The following SPG11 variants were observed in gnomAD, a reference collection of about 807,000 sequenced individuals.
SPG11 encodes spatacsin.
In SPG11, 222 loss-of-function variants were observed where a neutral mutation model predicts 274.0. The observed-to-expected ratio is 0.81, with a 90% CI of 0.73 to 0.91. SPG11 has a LOEUF of 0.91. Ranked by LOEUF, SPG11 falls within the 40% of genes least tolerant of loss-of-function variation. SPG11 has a pLI of 0.00. For synonymous variants in SPG11, 1,144 were observed against 1,039.7 expected (o/e 1.10, Z -1.93); for missense variants, 3,114 against 2,872.7 (o/e 1.08, Z -1.92).
chr15:44,633,988 G>A (rs1009708056), intron 7 of SPG11, among the ~76,000 whole-genome samples: 1 of 151,920 alleles, frequency 6.6e-6, no homozygotes, highest in African/African-American at 2.4e-5. Context: ...ACAGGTGCCC[G>A]CCACCATGTC....
chr15:44,565,623 A>G (rs2082291467), intron 38 of SPG11, among the ~76,000 whole-genome samples: 2 of 152,322 alleles, frequency 1.3e-5, no homozygotes, highest in East Asian at 1.9e-4. Flanking sequence ...CTGGCCTAAC[A>G]GCACAGGAAA....
intron 16 of SPG11, among the ~76,000 whole-genome samples, chr15:44,614,611 A>G (rs887648733): frequency 6.6e-5 from 10 of 152,254 alleles, no homozygotes; most frequent in African/African-American, 2.4e-4. Context: ...AAAATTAAGT[A>G]GAATTAAATC....
chr15:44,648,818 A>C lies in SPG11; in HGVS notation c.1602+48T>G, dbSNP rs577765148. 1.1e-5 allele frequency: 18 copies of C among 1,588,270 alleles called. 1 individual carries two copies. The highest frequency in any genetic ancestry group is 1.0e-4 in the Admixed American group (6 of 59,954). On this transcript the variant is annotated intron_variant, in intron 7 of 39. Coordinates refer to ENST00000261866, the MANE Select transcript of SPG11 (RefSeq NM_025137.4). ...CAAATCCTAAATCGAATAAAAGTAT[A>C]TAACACAAAATAATTAAGTAATGTT...
chr15:44,642,471 A>T (rs986519904), intron 7 of SPG11, among the ~76,000 whole-genome samples: 4 of 151,532 alleles, frequency 2.6e-5, no homozygotes, highest in Non-Finnish European at 5.9e-5. Flanking sequence ...CAGTGGTTCC[A>T]TTTTATGCAA....
intron 7 of SPG11, among the ~76,000 whole-genome samples, chr15:44,634,433 C>T (rs926335942): frequency 5.9e-5 from 9 of 151,712 alleles, no homozygotes; most frequent in Admixed American, 1.3e-4. Context: ...CACCACCACA[C>T]CCAGCTGATT....
rs2083572699 is a variant in SPG11, at chr15:44,615,551, C to T, written c.2850G>A (p.Leu950=). 2 of 1,613,756 alleles carry T rather than the reference C, an allele frequency of 1.2e-6. No homozygotes were observed. The highest frequency in any genetic ancestry group is 1.7e-6 in the Non-Finnish European group (2 of 1,179,928). ...LDKLARNGVF[L]ASELEDFECF... is the part of the protein sequence containing the mutation. ...ATTCAAAGTCTTCCAGTTCAGATGC[C>T]AAAAAAACCCCATTCCTATGGACAG... is the stretch of plus-strand genomic sequence containing the variant. Residue 950 remains leucine (L), a synonymous_variant, in exon 16 of 40, where the codon TTG becomes TTA. Transcript: ENST00000261866.
intron 15 of SPG11, among the ~76,000 whole-genome samples, chr15:44,616,691 T>C (rs1324345897): frequency 6.6e-6 from 1 of 152,208 alleles, no homozygotes; most frequent in Non-Finnish European, 1.5e-5. Context: ...CATTATTATA[T>C]AGTATTCCAT....
chr15:44,629,277 G>A lies in SPG11; in HGVS notation c.1847C>T (p.Ser616Phe). ...FSEQLLNLTLSFLNNQIKELF... is the reference protein window; with the variant it reads ...FSEQLLNLTLFFLNNQIKELF... Reference sequence around the variant, plus strand: ...CTCCTTTATTTGGTTGTTAAGGAAAGACAGTGTAAGATTAAGCAATTGTTC... The same window carrying A: ...CTCCTTTATTTGGTTGTTAAGGAAAAACAGTGTAAGATTAAGCAATTGTTC... The change falls in exon 9 of 40, where the codon TCT becomes TTT. Residue 616 changes from serine (S) to phenylalanine (F), a missense_variant. Physicochemically the swap from Ser to Phe is radical, Grantham distance 155. Coordinates refer to ENST00000261866, the MANE Select transcript of SPG11 (RefSeq NM_025137.4). 1 of 1,614,136 alleles carries A rather than the reference G, an allele frequency of 6.2e-7. No homozygotes were observed. Among genetic ancestry groups the A allele is most frequent in the Admixed American group, 1.7e-5 (1 of 60,016 alleles).
At position 44,615,695 on chromosome 15, in the gene SPG11, T is replaced by C. The variant is rs62024982; in HGVS notation, c.2835-129A>G. ...ACAAATTAATGCTGCCAGTTCTTAC[T>C]CTATATGTTCTCAGACACATTTTTT... On this transcript the variant is annotated intron_variant, in intron 15 of 39. Transcript: ENST00000261866. 8.0e-3 allele frequency: 6,642 copies of C among 826,414 alleles called. 61 individuals are homozygous for C. Among genetic ancestry groups the C allele is most frequent in the South Asian group, 0.024 (1,619 of 66,256 alleles). 51.2% of individuals were successfully genotyped at this position (826,414 alleles called of 1,614,324 possible). A position where few individuals can be genotyped will look rare whatever the true frequency, so the allele number is the denominator to read the frequency against.
chr15:44,663,627 G>T lies in SPG11; in HGVS notation c.21C>A (p.Val7=), dbSNP rs377135175. Residue 7 remains valine (V), a synonymous_variant, in exon 1 of 40, where the codon GTC becomes GTA. Transcript: ENST00000261866. ...TACCGCCGGCGGAAGCAGCACTCGCGACCCCTTCCTCTGCAGCCATCTTGG... is the reference window on the plus strand; with the variant it reads ...TACCGCCGGCGGAAGCAGCACTCGCTACCCCTTCCTCTGCAGCCATCTTGG... MAAEEG[V]ASAASAGGSW... is the part of the protein sequence containing the mutation. 3.6e-5 allele frequency: 58 copies of T among 1,595,650 alleles called. No individual in the cohort carries two copies. The highest frequency in any genetic ancestry group is 1.2e-4 in the Admixed American group (7 of 58,906).
rs764966248 is a variant in SPG11, at chr15:44,589,321, A to C, written c.4837T>G (p.Cys1613Gly). 1 of 1,614,038 alleles carries C rather than the reference A, an allele frequency of 6.2e-7. No individual in the cohort carries two copies. The highest frequency in any genetic ancestry group is 8.5e-7 in the Non-Finnish European group (1 of 1,180,000). Residue 1613 changes from cysteine to glycine, a missense_variant, in exon 28 of 40, where the codon TGT (cysteine) becomes GGT (glycine). Cys to Gly is a radical substitution (Grantham distance 159). Transcript: ENST00000261866. ...CFLLKLMLQQCKTQYELGKLL... is the reference protein window; with the variant it reads ...CFLLKLMLQQGKTQYELGKLL... ...TTCCCCAGCTCATACTGGGTCTTAC[A>C]CTGCTGTAGCATAAGCTTCAAAAGG...
intron 26 of SPG11, among the ~76,000 whole-genome samples, chr15:44,593,243 T>C (rs1484014509): frequency 6.6e-6 from 1 of 152,186 alleles, no homozygotes; most frequent in Non-Finnish European, 1.5e-5. Flanking sequence ...TCGCCCAGGC[T>C]GGAGTGCAGT....
chr15:44,660,697 TA>T, intron 1 of SPG11, 81 bp from the exon 2 acceptor site: 1 of 1,338,896 alleles, frequency 7.5e-7, no homozygotes, highest in Non-Finnish European at 1.1e-6. Flanking sequence ...AAGGGTTGAA[TA>T]AGTAGAGAAC....
At chr15:44,622,561 GAAGA>G in intron 12 of SPG11, 163 bp downstream of exon 12, 1 of 742,540 alleles carries the variant, frequency 1.3e-6, no homozygotes, top group Non-Finnish European at 2.2e-6. Context: ...AATAGTCATT[GAAGA>G]AAGATGAAGG....
intron 19 of SPG11, among the ~76,000 whole-genome samples, chr15:44,606,334 T>C (rs1421163615): frequency 6.6e-6 from 1 of 152,180 alleles, no homozygotes; most frequent in East Asian, 1.9e-4. Flanking sequence ...TGTCAAACTA[T>C]GTCCGCAAAG....
At chr15:44,637,598 C>G (rs942654153) in intron 7 of SPG11, among the ~76,000 whole-genome samples, 2 of 152,206 alleles carry the variant, frequency 1.3e-5, no homozygotes, top group African/African-American at 4.8e-5. Context: ...GTGTGAGCCA[C>G]TGTGCCTGGG....
In SPG11 at chr15:44,626,501, TA is replaced by T; in HGVS notation, c.2073del (p.Ile692LeufsTer6). On this transcript the variant is annotated frameshift_variant, in exon 11 of 40. Coordinates refer to ENST00000261866, the MANE Select transcript of SPG11 (RefSeq NM_025137.4). LOFTEE classifies it high-confidence loss of function. ...TTGTTGTTTAAAATGGCGCTGGCAA[TA>T]ACTTCCTAGGAAAAGAAAAACGTTT... ...NIWKKLSFEE[V>X]IASAILNNKI... 6.2e-7 allele frequency: 1 copy of T among 1,613,742 alleles called. No individual in the cohort carries two copies. The highest frequency in any genetic ancestry group is 2.2e-5 in the East Asian group (1 of 44,820).
At position 44,570,506 on chromosome 15, in the gene SPG11, G is replaced by A. The variant is rs376753565; in HGVS notation, c.6477+19C>T. ...AAGGTTTCCACAGGATGGAGACTGG[G>A]GTTGAGGGGGCTACTTACCACCAGC... On this transcript the variant is annotated intron_variant, in intron 34 of 39. Transcript: ENST00000261866. 6.2e-7 allele frequency: 1 copy of A among 1,613,994 alleles called. No individual in the cohort carries two copies. The highest frequency in any genetic ancestry group is 2.2e-5 in the East Asian group (1 of 44,872).
At chr15:44,623,148 C>A (rs2083801505) in intron 11 of SPG11, among the ~76,000 whole-genome samples, 1 of 152,064 alleles carries the variant, frequency 6.6e-6, no homozygotes, top group Admixed American at 6.6e-5. Flanking sequence ...GGGATTTCTT[C>A]CTGTTGCCCA....
Sources: allele counts gnomAD v4.1 joint callset (sites outside exome capture counted in the v4.1 genomes callset), GRCh38; gene constraint gnomAD v4.1.1; transcripts MANE v1.5; gene names NCBI Gene and HGNC (gene_info 2026-07-23, HGNC 2026-07-21).